Variants in AUTS2 observed in about 807,000 individuals in gnomAD.
AUTS2 encodes the protein autism susceptibility gene 2 protein.
AUTS2 carries 17 observed loss-of-function variants against 112.4 expected under a neutral mutation model. That is an observed-to-expected ratio of 0.15 (90% confidence interval 0.10 to 0.23). The LOEUF is 0.23. AUTS2 is among the 10% of genes least tolerant of loss of function. AUTS2 has a pLI of 1.00. For missense variants in AUTS2, 1,510 were observed against 1,701.6 expected (o/e 0.89, Z 1.98); for synonymous variants, 751 against 702.7 (o/e 1.07, Z -1.09).
intron 2 of AUTS2, among the ~76,000 whole-genome samples, chr7:70,082,280 G>A (rs1009002409): frequency 6.6e-6 from 1 of 152,160 alleles, no homozygotes. Flanking sequence ...GTATATGGAT[G>A]ATTTATTGTA....
rs186330854 is a variant in AUTS2 at position 70,164,375 on chromosome 7, C to A, written c.660+29804C>A. ...ACTGATCTTTTTCTGTTGTAGTATCCTATCTAAAGTAGGATACTATGTTGT... is the reference window on the plus strand; with the variant it reads ...ACTGATCTTTTTCTGTTGTAGTATCATATCTAAAGTAGGATACTATGTTGT... On this transcript the variant is annotated intron_variant, in intron 4 of 18. Coordinates refer to ENST00000342771, the MANE Select transcript of AUTS2 (RefSeq NM_015570.4). Among the ~76,000 whole-genome samples the A allele has an allele frequency of 7.1e-3, 1,078 of 152,114 alleles. 9 individuals are homozygous for A. Among genetic ancestry groups the A allele is most frequent in the Non-Finnish European group, 8.3e-3 (561 of 67,980 alleles).
intron 2 of AUTS2, among the ~76,000 whole-genome samples, chr7:70,080,203 T>C (rs1233672396): frequency 6.6e-6 from 1 of 152,216 alleles, no homozygotes; most frequent in Non-Finnish European, 1.5e-5. Flanking sequence ...AGATTAAATT[T>C]AAAAGTATGT....
At chr7:69,809,732 G>A (rs1264101956) in intron 1 of AUTS2, among the ~76,000 whole-genome samples, 2 of 152,170 alleles carry the variant, frequency 1.3e-5, no homozygotes, top group Admixed American at 6.5e-5. Context: ...TGGAATGACT[G>A]TGTGACGGAG....
intron 5 of AUTS2, among the ~76,000 whole-genome samples, chr7:70,481,422 A>C (rs533506841): frequency 6.6e-6 from 1 of 152,284 alleles, no homozygotes; most frequent in South Asian, 2.1e-4. Context: ...AATTGCTTCT[A>C]TGGAATTTCT....
intron 5 of AUTS2, among the ~76,000 whole-genome samples, chr7:70,508,158 T>TGTTG (rs200965709): frequency 6.6e-6 from 1 of 152,036 alleles, no homozygotes; most frequent in Non-Finnish European, 1.5e-5. Flanking sequence ...AGGGCTTTTT[T>TGTTG]TTGTTGTTGT....
At chr7:69,968,026 T>C (rs1194287708) in intron 2 of AUTS2, among the ~76,000 whole-genome samples, 1 of 152,192 alleles carries the variant, frequency 6.6e-6, no homozygotes. Flanking sequence ...CAGACTCTGT[T>C]CCGGAGGCAT....
At chr7:70,416,911 C>T (rs1795009703) in intron 4 of AUTS2, among the ~76,000 whole-genome samples, 1 of 152,198 alleles carries the variant, frequency 6.6e-6, no homozygotes, top group Non-Finnish European at 1.5e-5. Context: ...TACCAAGTTG[C>T]TGGAATGCCC....
intron 1 of AUTS2, among the ~76,000 whole-genome samples, chr7:69,603,367 T>C (rs963914218): frequency 6.6e-6 from 1 of 152,206 alleles, no homozygotes; most frequent in Non-Finnish European, 1.5e-5. Flanking sequence ...TGTGCTAATA[T>C]AAATAGTTCC....
At chr7:70,231,553 C>T (rs1402009627) in intron 4 of AUTS2, among the ~76,000 whole-genome samples, 1 of 151,940 alleles carries the variant, frequency 6.6e-6, no homozygotes, top group Non-Finnish European at 1.5e-5. Context: ...CACCATTCTC[C>T]TGCCTCAGCC....
At chr7:69,848,725 G>A (rs773812817) in intron 1 of AUTS2, among the ~76,000 whole-genome samples, 2 of 152,056 alleles carry the variant, frequency 1.3e-5, no homozygotes, top group African/African-American at 2.4e-5. Context: ...CCCATTTCCC[G>A]CTTTCTCCTT....
chr7:70,433,479 A>G (rs1795758111), intron 4 of AUTS2, among the ~76,000 whole-genome samples: 1 of 152,224 alleles, frequency 6.6e-6, no homozygotes, highest in African/African-American at 2.4e-5. Context: ...ATTAAAGGCA[A>G]TGGAGAGATC....
At chr7:70,676,093 G>T (rs940245190) in intron 5 of AUTS2, among the ~76,000 whole-genome samples, 1 of 152,192 alleles carries the variant, frequency 6.6e-6, no homozygotes, top group African/African-American at 2.4e-5. Flanking sequence ...CATTTGGATG[G>T]TTACTGACTT....
intron 5 of AUTS2, among the ~76,000 whole-genome samples, chr7:70,511,370 A>T (rs2116779441): frequency 6.6e-6 from 1 of 151,582 alleles, no homozygotes; most frequent in African/African-American, 2.4e-5. Flanking sequence ...AGAAACTGTT[A>T]CTTGGATACT....
chr7:69,997,655 A>G (rs1383627007), intron 2 of AUTS2, among the ~76,000 whole-genome samples: 2 of 152,112 alleles, frequency 1.3e-5, no homozygotes, highest in Non-Finnish European at 2.9e-5. Context: ...AGCAAGAGAG[A>G]TGCCAGGCTC....
intron 2 of AUTS2, among the ~76,000 whole-genome samples, chr7:70,009,285 A>G (rs907308964): frequency 2.0e-5 from 3 of 152,186 alleles, no homozygotes; most frequent in Non-Finnish European, 2.9e-5. Flanking sequence ...CCCACGATCT[A>G]ATCACCTCCT....
At chr7:70,085,019 C>T (rs188885171) in intron 2 of AUTS2, among the ~76,000 whole-genome samples, 216 of 152,148 alleles carry the variant, frequency 1.4e-3, no homozygotes, top group African/African-American at 5.0e-3. Flanking sequence ...ATTACAGGCA[C>T]GAACTACCCT....
chr7:69,745,961 G>A (rs1466158367), intron 1 of AUTS2, among the ~76,000 whole-genome samples: 31 of 152,226 alleles, frequency 2.0e-4, no homozygotes, highest in Middle Eastern at 3.4e-3. Context: ...GCAGCCTTGA[G>A]CTCCTGGGCT....
chr7:69,699,561 A>G (rs1235924007), intron 1 of AUTS2, among the ~76,000 whole-genome samples: 1 of 151,570 alleles, frequency 6.6e-6, no homozygotes, highest in East Asian at 1.9e-4. Flanking sequence ...GTATAGCTGT[A>G]CCATAATTTA....
At chr7:69,798,246 A>G (rs1789934519) in intron 1 of AUTS2, among the ~76,000 whole-genome samples, 1 of 152,174 alleles carries the variant, frequency 6.6e-6, no homozygotes, top group Non-Finnish European at 1.5e-5. Flanking sequence ...GGAGGAACGT[A>G]AGAGAACATG....
Sources: allele counts gnomAD v4.1 joint callset (sites outside exome capture counted in the v4.1 genomes callset), GRCh38; gene constraint gnomAD v4.1.1; transcripts MANE v1.5; gene names NCBI Gene and HGNC (gene_info 2026-07-23, HGNC 2026-07-21).